Variants in ARL6 observed in about 807,000 individuals in gnomAD.
The protein encoded by ARL6 is ARF like GTPase 6, also known as ADP-ribosylation factor-like protein 6.
In ARL6, 18 loss-of-function variants were observed where a neutral mutation model predicts 27.1. The ratio of observed to expected loss-of-function variants is 0.66; its 90% CI spans 0.46 to 0.98. The LOEUF (loss-of-function observed/expected upper bound fraction) is 0.98, where lower values mean the gene tolerates loss of function less well. ARL6 is among the 50% of genes least tolerant of loss of function. The probability of loss-of-function intolerance (pLI) is 0.00; values close to 1 mark genes in which losing one functional copy is unlikely to be tolerated. For missense variants in ARL6, 187 were observed against 214.9 expected, an observed-to-expected ratio of 0.87 and a Z score of 0.81; for synonymous variants, 65 against 72.3, an observed-to-expected ratio of 0.90 and a Z score of 0.51.
chr3:97,775,353 C>T (rs75400520), intron 2 of ARL6, among the ~76,000 whole-genome samples: 5,874 of 152,170 alleles, frequency 0.039, 208 homozygotes, highest in African/African-American at 0.095. Flanking sequence ...GAAACCGGTC[C>T]GAGTCCCAAA....
chr3:97,776,298 C>T (rs1559676047), intron 2 of ARL6, among the ~76,000 whole-genome samples: 1 of 151,732 alleles, frequency 6.6e-6, no homozygotes, highest in African/African-American at 2.4e-5. Context: ...TGTCTTTATC[C>T]GTTTTGTTTT....
At chr3:97,774,483 G>C (rs2108006970) in intron 2 of ARL6, among the ~76,000 whole-genome samples, 1 of 152,220 alleles carries the variant, frequency 6.6e-6, no homozygotes, top group East Asian at 1.9e-4. Context: ...AAGGTGGAAA[G>C]GCTGATGGCA....
intron 6 of ARL6, among the ~76,000 whole-genome samples, chr3:97,790,601 G>A (rs879777878): frequency 6.6e-6 from 1 of 152,076 alleles, no homozygotes; most frequent in Non-Finnish European, 1.5e-5. Context: ...AACTATAGGT[G>A]TATGATAAAA....
intron 1 of ARL6, among the ~76,000 whole-genome samples, chr3:97,765,318 AAGT>A (rs2036328508): frequency 6.6e-6 from 1 of 151,972 alleles, no homozygotes; most frequent in South Asian, 2.1e-4. Flanking sequence ...GGGGTAATAA[AAGT>A]AGGCAACATT....
intron 7 of ARL6, chr3:97,792,089 T>C (rs969570429): frequency 1.3e-5 from 5 of 386,084 alleles, no homozygotes; most frequent in South Asian, 4.1e-5. Context: ...TTTAAACTTA[T>C]AGCAACAAGT....
At chr3:97,783,093 A>G (rs2037277782) in intron 4 of ARL6, among the ~76,000 whole-genome samples, 1 of 151,332 alleles carries the variant, frequency 6.6e-6, no homozygotes, top group Admixed American at 6.6e-5. Context: ...TTTTTACAAT[A>G]TAAAAAGGTA....
rs1436639454 is a variant in ARL6, at chr3:97,799,827, C to T, written c.*1778C>T. 1 of 152,040 alleles carries T rather than the reference C, an allele frequency of 6.6e-6. No homozygotes were observed. The highest frequency in any genetic ancestry group is 1.5e-5 in the Non-Finnish European group (1 of 67,960). The allele number at this position is 152,040 out of a possible 1,614,324, so 9.4% of individuals were successfully genotyped here. A position where few individuals can be genotyped will look rare whatever the true frequency, so the allele number is the denominator to read the frequency against. On this transcript the variant is annotated 3_prime_UTR_variant, in exon 8 of 8. Coordinates refer to ENST00000463745, the MANE Select transcript of ARL6 (RefSeq NM_001278293.3). ...GTAAGTCTGGTACTAGGATTCAGTA[C>T]CAAGCAGTCTGTTTTAAGACAGATG...
chr3:97,788,093 C>T lies in ARL6; in HGVS notation c.453C>T (p.Asn151=), dbSNP rs947207333. The T allele has an allele frequency of 7.9e-5, 128 of 1,613,042 alleles. No individual in the cohort carries two copies. The highest frequency in any genetic ancestry group is 9.7e-5 in the Non-Finnish European group (115 of 1,179,546). ...VKVSQLLCLE[N]IKDKPWHICA... ...TGTCTCAGTTGCTGTGTTTAGAGAA[C>T]ATCAAAGATAAACCCTGGCATATTT... The change falls in exon 6 of 8, where the codon AAC becomes AAT. Residue 151 remains asparagine, a synonymous_variant. Transcript: ENST00000463745.
chr3:97,777,754 G>A (rs190427475), intron 2 of ARL6, among the ~76,000 whole-genome samples: 1 of 152,262 alleles, frequency 6.6e-6, no homozygotes, highest in Admixed American at 6.5e-5. Flanking sequence ...ATATGTTAGA[G>A]GAAAATGAGT....
At chr3:97,769,335 T>G (rs1448614579) in intron 2 of ARL6, among the ~76,000 whole-genome samples, 1 of 152,074 alleles carries the variant, frequency 6.6e-6, no homozygotes, top group Non-Finnish European at 1.5e-5. Context: ...TTTTTAGAGA[T>G]AGACTCTATA....
intron 2 of ARL6, among the ~76,000 whole-genome samples, chr3:97,772,749 G>T (rs1335659682): frequency 6.6e-6 from 1 of 151,000 alleles, no homozygotes; most frequent in African/African-American, 2.4e-5. Flanking sequence ...AGCCTCCCAA[G>T]TAGCTGGGAT....
At chr3:97,778,970 T>C (rs1323617215) in intron 2 of ARL6, among the ~76,000 whole-genome samples, 1 of 152,118 alleles carries the variant, frequency 6.6e-6, no homozygotes, top group East Asian at 1.9e-4. Context: ...GGCATCTGGA[T>C]CAGAAAGTAG....
intron 1 of ARL6, among the ~76,000 whole-genome samples, chr3:97,766,887 G>T (rs1270380175): frequency 6.6e-6 from 1 of 152,058 alleles, no homozygotes; most frequent in Non-Finnish European, 1.5e-5. Context: ...AGCAGTTGGG[G>T]GCTGGAAAAA....
At chr3:97,772,174 G>GA (rs936974974) in intron 2 of ARL6, among the ~76,000 whole-genome samples, 27 of 152,030 alleles carry the variant, frequency 1.8e-4, no homozygotes, top group Non-Finnish European at 3.7e-4. Context: ...TTTAATGGGA[G>GA]ACTTTATATT....
At chr3:97,774,729 T>C (rs907433820) in intron 2 of ARL6, among the ~76,000 whole-genome samples, 3 of 152,182 alleles carry the variant, frequency 2.0e-5, no homozygotes, top group African/African-American at 7.2e-5. Flanking sequence ...GCAACTGATA[T>C]AAGAGCTTGT....
intron 2 of ARL6, among the ~76,000 whole-genome samples, chr3:97,779,240 C>T (rs936763317): frequency 2.0e-5 from 3 of 152,156 alleles, no homozygotes; most frequent in African/African-American, 7.2e-5. Context: ...TCCTCAGTGG[C>T]AAGTTCCTTC....
rs2037764777 is a variant in ARL6, at chr3:97,792,004, A to G, written c.535+178A>G. 4 of 590,196 alleles carry G rather than the reference A, an allele frequency of 6.8e-6. No individual in the cohort carries two copies. The South Asian group carries it at 9.1e-5, about 13-fold the overall frequency. 36.6% of individuals were successfully genotyped at this position (590,196 alleles called of 1,614,324 possible). A position where few individuals can be genotyped will look rare whatever the true frequency, so the allele number is the denominator to read the frequency against. On this transcript the variant is annotated intron_variant, in intron 7 of 7. Coordinates refer to ENST00000463745, the MANE Select transcript of ARL6 (RefSeq NM_001278293.3). ...ACCTTGTTCCATTTACTTCTATCAC[A>G]TATTGCTAAAGGATTTATTTACATA...
intron 4 of ARL6, 28 bp from the exon 5 acceptor site, chr3:97,784,927 A>G (rs780651274): frequency 1.3e-6 from 2 of 1,540,836 alleles, no homozygotes; most frequent in Non-Finnish European, 1.8e-6. Flanking sequence ...GTAAAGCTTT[A>G]ATTTTTCTTT....
chr3:97,772,626 T>A (rs1675801718), intron 2 of ARL6, among the ~76,000 whole-genome samples: 1 of 150,396 alleles, frequency 6.6e-6, no homozygotes, highest in African/African-American at 2.4e-5. Flanking sequence ...TTACTTTTTT[T>A]TTTTTTTTTT....
Sources: gnomAD v4.1 joint callset for allele counts (sites outside exome capture counted in the v4.1 genomes callset) on GRCh38, gnomAD v4.1.1 for gene constraint, MANE v1.5 for transcripts, NCBI Gene and HGNC (gene_info 2026-07-23, HGNC 2026-07-21) for gene names.